Variants in SPARCL1 observed in about 807,000 individuals in gnomAD.
The protein encoded by SPARCL1 is SPARC-like protein 1.
A neutral mutation model predicts 67.1 loss-of-function variants in SPARCL1; 52 were observed. That is an observed-to-expected ratio of 0.78 (90% confidence interval 0.62 to 0.98). The LOEUF (loss-of-function observed/expected upper bound fraction) is 0.98. Ranked by LOEUF, SPARCL1 falls within the 50% of genes least tolerant of loss-of-function variation. The pLI is 0.00. For missense variants in SPARCL1, 717 were observed against 782.4 expected, an observed-to-expected ratio of 0.92 and a Z score of 1.00; for synonymous variants, 226 against 267.8, an observed-to-expected ratio of 0.84 and a Z score of 1.52.
At chr4:87,522,637 C>G (rs1460297664) in intron 1 of SPARCL1, among the ~76,000 whole-genome samples, 3 of 107,888 alleles carry the variant, frequency 2.8e-5, no homozygotes, top group Non-Finnish European at 5.5e-5. Flanking sequence ...GCCACCACCA[C>G]CAAACACACA....
intron 1 of SPARCL1, among the ~76,000 whole-genome samples, chr4:87,514,559 A>T (rs1725506080): frequency 6.6e-6 from 1 of 152,198 alleles, no homozygotes; most frequent in Non-Finnish European, 1.5e-5. Context: ...TATAAAGAAG[A>T]TGCCTGTGTT....
chr4:87,484,184 T>C (rs1240140493), intron 7 of SPARCL1, among the ~76,000 whole-genome samples: 2 of 152,248 alleles, frequency 1.3e-5, no homozygotes, highest in Non-Finnish European at 2.9e-5. Flanking sequence ...TGGTATTGCC[T>C]AAGTTTTCTT....
intron 1 of SPARCL1, among the ~76,000 whole-genome samples, chr4:87,507,481 A>G (rs59840222): frequency 0.45 from 67,854 of 151,690 alleles, 15,798 homozygotes; most frequent in East Asian, 0.75. Flanking sequence ...TTCATTGAGT[A>G]CTTACTAGAC....
chr4:87,528,379 A>G (rs1415726960), intron 1 of SPARCL1: 2 of 152,200 alleles, frequency 1.3e-5, no homozygotes, highest in Non-Finnish European at 2.9e-5. Flanking sequence ...TAAATAAGAC[A>G]TTATCAAGAA....
chr4:87,499,555 A>G lies in SPARCL1; in HGVS notation c.20T>C (p.Phe7Ser), dbSNP rs1190916315. MKTGLF[F>S]LCLLGTAAAI... ...AGCTGCAGTTCCCAAGAGACATAGG[A>G]AAAAAAGCCCAGTCTTCATGCTTTC... Residue 7 changes from phenylalanine to serine, a missense_variant, in exon 2 of 11, where the codon TTC becomes TCC. Phe to Ser is a radical substitution (Grantham distance 155). Coordinates refer to ENST00000282470, the MANE Select transcript of SPARCL1 (RefSeq NM_004684.6). 5 of 1,591,792 alleles carry G rather than the reference A, an allele frequency of 3.1e-6. No individual in the cohort carries two copies. The highest frequency in any genetic ancestry group is 4.3e-6 in the Non-Finnish European group (5 of 1,174,576).
chr4:87,477,249 C>T (rs1188443061), intron 10 of SPARCL1, among the ~76,000 whole-genome samples: 4 of 152,230 alleles, frequency 2.6e-5, no homozygotes, highest in Non-Finnish European at 4.4e-5. Flanking sequence ...GCCTTTTTAT[C>T]AGTCCTTTAA....
intron 10 of SPARCL1, among the ~76,000 whole-genome samples, chr4:87,474,176 G>A (rs761829093): frequency 3.3e-5 from 5 of 152,174 alleles, no homozygotes; most frequent in Non-Finnish European, 5.9e-5. Flanking sequence ...GAAATAAATA[G>A]AAGTGTAGTG....
intron 1 of SPARCL1, among the ~76,000 whole-genome samples, chr4:87,516,390 C>T (rs984273850): frequency 3.3e-5 from 5 of 152,058 alleles, no homozygotes; most frequent in Admixed American, 2.0e-4. Flanking sequence ...TGGAATAGCA[C>T]TCAAATGTAC....
Position 87,486,888 on chromosome 4 carries a change from C to CTTTTTTTTTTTTTTTTTTTTT in SPARCL1, c.1531+3364_1531+3384dup, listed in dbSNP as rs57597004. Among the ~76,000 whole-genome samples, 15 of 28,000 alleles carry CTTTTTTTTTTTTTTTTTTTTT rather than the reference C, an allele frequency of 5.4e-4. 4 individuals carry two copies. Among genetic ancestry groups the CTTTTTTTTTTTTTTTTTTTTT allele is most frequent in the African/African-American group, 7.9e-4 (6 of 7,618 alleles). 18.4% of individuals were successfully genotyped at this position (28,000 alleles called of 152,430 possible). A position where few individuals can be genotyped will look rare whatever the true frequency, so the allele number is the denominator to read the frequency against. ...TCTGAGGCTAGTATTGCAATTCCTG[C>CTTTTTTTTTTTTTTTTTTTTT]TTTTTTTTTTTTTTTTTTTTTTTTT... On this transcript the variant is annotated intron_variant, in intron 7 of 10. Coordinates refer to ENST00000282470, the MANE Select transcript of SPARCL1 (RefSeq NM_004684.6).
chr4:87,492,927 CAACA>C (rs1457738619), intron 4 of SPARCL1, among the ~76,000 whole-genome samples: 4 of 152,184 alleles, frequency 2.6e-5, no homozygotes, highest in Admixed American at 6.5e-5. Context: ...ATAACTAATT[CAACA>C]AACATTGTTG....
intron 1 of SPARCL1, among the ~76,000 whole-genome samples, chr4:87,508,160 CAA>C (rs1470448090): frequency 6.6e-6 from 1 of 152,048 alleles, no homozygotes; most frequent in Non-Finnish European, 1.5e-5. Context: ...CTTTAGTACT[CAA>C]AGGCTGAGTG....
intron 7 of SPARCL1, among the ~76,000 whole-genome samples, chr4:87,488,274 GT>G: frequency 6.6e-6 from 1 of 152,272 alleles, no homozygotes; most frequent in Admixed American, 6.5e-5. Flanking sequence ...TTTGGATGGG[GT>G]TTTTGTGTGG....
chr4:87,508,889 G>GTATATATATATATATATATATA (rs142792848), intron 1 of SPARCL1, among the ~76,000 whole-genome samples: 91 of 138,330 alleles, frequency 6.6e-4, no homozygotes, highest in South Asian at 2.6e-3. Flanking sequence ...ATGTATATAA[G>GTATATATATATATATATATATA]TATATATATA....
In SPARCL1 at chr4:87,494,048, G is replaced by A. The variant is rs538128283; in HGVS notation, c.752C>T (p.Thr251Ile). The change falls in exon 4 of 11, where the codon ACT (threonine) becomes ATT (isoleucine). Residue 251 changes from threonine to isoleucine, a missense_variant. Thr to Ile is a moderately conservative substitution (Grantham distance 89). Transcript: ENST00000282470. ...ATCCTCCTGCATCTTGCTTACTTGA[G>A]TTGGTTGATCAGACTCTTCCAAAAT... Reference protein sequence around the residue: ...DDILEESDQPTQVSKMQEDEF... With the variant: ...DDILEESDQPIQVSKMQEDEF... The A allele has an allele frequency of 3.7e-5, 59 of 1,613,866 alleles. No homozygotes were observed. The highest frequency in any genetic ancestry group is 4.7e-5 in the Non-Finnish European group (56 of 1,180,038).
chr4:87,492,042 C>G (rs1003844317), intron 4 of SPARCL1, among the ~76,000 whole-genome samples: 1 of 150,012 alleles, frequency 6.7e-6, no homozygotes, highest in Admixed American at 6.7e-5. Context: ...TGCTAGAGCC[C>G]AGGAGGTTGA....
chr4:87,494,561 C>T lies in SPARCL1; in HGVS notation c.239G>A (p.Ser80Asn), dbSNP rs374869717. The change falls in exon 4 of 11, where the codon AGC becomes AAC. Residue 80 changes from serine (S) to asparagine (N), a missense_variant. Coordinates refer to ENST00000282470, the MANE Select transcript of SPARCL1 (RefSeq NM_004684.6). ...GCCCTGTTCTGCTGACTGTTCATGG[C>T]TTTCCTCTTTTGACTTTAGTACTGA... is the stretch of plus-strand genomic sequence containing the variant. ...KSSVLKSKEE[S>N]HEQSAEQGKS... 13 of 1,610,880 alleles carry T rather than the reference C, an allele frequency of 8.1e-6. No homozygotes were observed. Among genetic ancestry groups the T allele is most frequent in the Non-Finnish European group, 1.1e-5 (13 of 1,179,268 alleles).
At chr4:87,514,363 T>A (rs1725499307) in intron 1 of SPARCL1, among the ~76,000 whole-genome samples, 1 of 152,228 alleles carries the variant, frequency 6.6e-6, no homozygotes, top group South Asian at 2.1e-4. Context: ...TAACCTCAGA[T>A]GGCCACTTGT....
chr4:87,524,224 T>A (rs1725942562), intron 1 of SPARCL1, among the ~76,000 whole-genome samples: 1 of 151,504 alleles, frequency 6.6e-6, no homozygotes, highest in Non-Finnish European at 1.5e-5. Context: ...ATGTAAAAAG[T>A]CACAATTCTT....
intron 2 of SPARCL1, among the ~76,000 whole-genome samples, chr4:87,499,141 G>T (rs984733736): frequency 3.9e-5 from 6 of 152,172 alleles, no homozygotes; most frequent in Non-Finnish European, 8.8e-5. Context: ...CTCCCGAAGT[G>T]CTGGGATTAC....
Sources: allele counts gnomAD v4.1 joint callset (sites outside exome capture counted in the v4.1 genomes callset), GRCh38; gene constraint gnomAD v4.1.1; transcripts MANE v1.5; gene names NCBI Gene and HGNC (gene_info 2026-07-23, HGNC 2026-07-21).